The following DNAI7 variants were observed in gnomAD, a reference collection of about 807,000 sequenced individuals.
DNAI7 encodes cancer susceptibility 1.
In DNAI7, 78 loss-of-function variants were observed where a neutral mutation model predicts 86.6. The observed-to-expected ratio is 0.90, with a 90% CI of 0.75 to 1.09. The LOEUF is 1.09. DNAI7 is among the 50% of genes least tolerant of loss of function. DNAI7 has a pLI of 0.00. For missense variants in DNAI7, 753 were observed against 810.2 expected (o/e 0.93, Z 0.86); for synonymous variants, 274 against 273.0 (o/e 1.00, Z -0.04).
chr12:25,157,894 A>G (rs1946382597), intron 4 of DNAI7, among the ~76,000 whole-genome samples: 1 of 151,230 alleles, frequency 6.6e-6, no homozygotes, highest in East Asian at 1.9e-4. Context: ...ATGTATGCTT[A>G]AAGGTTACAA....
intron 4 of DNAI7, among the ~76,000 whole-genome samples, chr12:25,155,793 G>A (rs74800072): frequency 0.059 from 8,966 of 152,306 alleles, 362 homozygotes; most frequent in Non-Finnish European, 0.089. Context: ...GAGAGGTGAA[G>A]GGAAGGAGCC....
At chr12:25,158,787 AAC>A (rs1334730301) in intron 3 of DNAI7, 1 of 811,474 alleles carries the variant, frequency 1.2e-6, no homozygotes, top group Non-Finnish European at 1.8e-6. Flanking sequence ...AAAGGATATG[AAC>A]AGACACTTCT....
intron 11 of DNAI7, among the ~76,000 whole-genome samples, chr12:25,121,003 T>G (rs2140456775): frequency 6.6e-6 from 1 of 152,368 alleles, no homozygotes; most frequent in African/African-American, 2.4e-5. Flanking sequence ...CAACTGACAC[T>G]AATGCTGCTG....
intron 9 of DNAI7, among the ~76,000 whole-genome samples, chr12:25,134,316 A>G (rs1943279122): frequency 1.4e-5 from 2 of 145,962 alleles, no homozygotes; most frequent in Admixed American, 1.4e-4. Flanking sequence ...TAAAATGTGC[A>G]TCTTGCCATT....
At position 25,161,158 on chromosome 12, in the gene DNAI7, A is replaced by G. The variant is rs774867900; in HGVS notation, c.61T>C (p.Leu21=). The part of the protein sequence containing the change: ...KKKKVTKAER[L]KLLQEEEERR... ...TCCTCCTCCTCTTGTAGCAGCTTCA[A>G]TCGTTCAGCTTTGGTGACTTTCTTT... The change falls in exon 3 of 16, where the codon TTG becomes CTG. Residue 21 remains leucine, a synonymous_variant. Coordinates refer to ENST00000395987, the MANE Select transcript of DNAI7 (RefSeq NM_018272.5). 9 of 1,613,958 alleles carry G rather than the reference A, an allele frequency of 5.6e-6. No individual in the cohort carries two copies. The highest frequency in any genetic ancestry group is 7.6e-6 in the Non-Finnish European group (9 of 1,179,908).
At chr12:25,126,448 C>G (rs947230615) in intron 9 of DNAI7, among the ~76,000 whole-genome samples, 4 of 151,966 alleles carry the variant, frequency 2.6e-5, no homozygotes, top group African/African-American at 9.7e-5. Flanking sequence ...CAGGACCTAC[C>G]CAAGGCAGAA....
intron 12 of DNAI7, among the ~76,000 whole-genome samples, chr12:25,118,040 TCTC>T (rs969502965): frequency 3.1e-4 from 47 of 150,884 alleles, no homozygotes; most frequent in Admixed American, 8.0e-4. Flanking sequence ...TTCAAGCAAT[TCTC>T]CTGCCTCAGC....
chr12:25,149,656 A>C lies in DNAI7; in HGVS notation c.557T>G (p.Phe186Cys), dbSNP rs1315107413. The change falls in exon 7 of 16, where the codon TTC (phenylalanine) becomes TGC (cysteine). Residue 186 changes from phenylalanine to cysteine, a missense_variant. Coordinates refer to ENST00000395987, the MANE Select transcript of DNAI7 (RefSeq NM_018272.5). ...GAGAAGTATTTCTGTGGCTACACCG[A>C]ATTTAAGATGAAGGAGCTCCTGCAG... is the stretch of plus-strand genomic sequence containing the variant. ...LQLQELLHLK[F>C]GVATEILLKQ... 3 of 1,607,686 alleles carry C rather than the reference A, an allele frequency of 1.9e-6. No individual in the cohort carries two copies. The highest frequency in any genetic ancestry group is 2.5e-6 in the Non-Finnish European group (3 of 1,177,264).
chr12:25,130,262 G>A (rs1239963516), intron 9 of DNAI7, among the ~76,000 whole-genome samples: 3 of 152,200 alleles, frequency 2.0e-5, no homozygotes, highest in African/African-American at 7.2e-5. Context: ...TATGGGCCGG[G>A]CGCGGTGGCT....
At chr12:25,163,965 C>T (rs1458494314) in intron 2 of DNAI7, among the ~76,000 whole-genome samples, 1 of 152,242 alleles carries the variant, frequency 6.6e-6, no homozygotes, top group East Asian at 1.9e-4. Flanking sequence ...CTTGGGAAGA[C>T]AGTCTTCCCT....
At chr12:25,115,306 T>A (rs1939843182) in intron 12 of DNAI7, among the ~76,000 whole-genome samples, 1 of 152,234 alleles carries the variant, frequency 6.6e-6, no homozygotes, top group African/African-American at 2.4e-5. Flanking sequence ...TTGTATACAA[T>A]TCAATTATCT....
At chr12:25,151,266 T>G (rs1945505766) in intron 6 of DNAI7, among the ~76,000 whole-genome samples, 1 of 152,194 alleles carries the variant, frequency 6.6e-6, no homozygotes, top group Admixed American at 6.5e-5. Context: ...AGTGTTATTA[T>G]GAGAACTCAG....
intron 2 of DNAI7, among the ~76,000 whole-genome samples, chr12:25,182,605 TACACACACAC>T (rs71065917): frequency 7.6e-6 from 1 of 132,098 alleles, no homozygotes; most frequent in Non-Finnish European, 1.6e-5. Flanking sequence ...TGAGACTGTC[TACACACACAC>T]ACACACACAC....
intron 9 of DNAI7, among the ~76,000 whole-genome samples, chr12:25,125,118 CCT>C (rs1329061276): frequency 2.0e-5 from 3 of 152,102 alleles, no homozygotes; most frequent in Admixed American, 1.3e-4. Context: ...GATTTATATT[CCT>C]CTGAGTATAT....
At chr12:25,157,839 T>A (rs1458039267) in intron 4 of DNAI7, among the ~76,000 whole-genome samples, 2 of 34,842 alleles carry the variant, frequency 5.7e-5, no homozygotes, top group African/African-American at 2.0e-4. Flanking sequence ...TATTTTGAAT[T>A]TTTTTTTTTT....
At position 25,147,484 on chromosome 12, in the gene DNAI7, C is replaced by CCA. The variant is rs55662471; in HGVS notation, c.586-381_586-380insTG. Among the ~76,000 whole-genome samples the CCA allele has an allele frequency of 8.3e-4, 115 of 138,176 alleles. No homozygotes were observed. The Middle Eastern group carries it at 0.016, about 19-fold the overall frequency. The allele number at this position is 138,176 out of a possible 152,430, so 90.6% of individuals were successfully genotyped here. On this transcript the variant is annotated intron_variant, in intron 7 of 15. Coordinates refer to ENST00000395987, the MANE Select transcript of DNAI7 (RefSeq NM_018272.5). ...CTGGGCAACATAATGAGACCACCCC[C>CCA]ATCTCTACAAAAAATTAGCTGGGTG...
intron 9 of DNAI7, among the ~76,000 whole-genome samples, chr12:25,124,550 G>A (rs1941824048): frequency 6.6e-6 from 1 of 152,176 alleles, no homozygotes; most frequent in Non-Finnish European, 1.5e-5. Context: ...AGTTAATTCT[G>A]TGGGAAAATG....
chr12:25,136,857 A>G (rs1340761181), intron 9 of DNAI7, among the ~76,000 whole-genome samples: 1 of 152,162 alleles, frequency 6.6e-6, no homozygotes, highest in African/African-American at 2.4e-5. Context: ...CCAACCCAAC[A>G]AAGAAAAAGA....
At chr12:25,164,880 C>T (rs1021084158) in intron 2 of DNAI7, among the ~76,000 whole-genome samples, 1 of 118,536 alleles carries the variant, frequency 8.4e-6, no homozygotes, top group East Asian at 2.5e-4. Flanking sequence ...ATTTTATCAC[C>T]TCCCCTCCTC....
Sources: gnomAD v4.1 joint callset for allele counts (sites outside exome capture counted in the v4.1 genomes callset) on GRCh38, gnomAD v4.1.1 for gene constraint, MANE v1.5 for transcripts, NCBI Gene and HGNC (gene_info 2026-07-23, HGNC 2026-07-21) for gene names.